KPNA3: variants seen among roughly 807,000 people sequenced by gnomAD.
KPNA3 encodes the protein importin subunit alpha-4.
In KPNA3, 13 loss-of-function variants were observed where a neutral mutation model predicts 73.8. The ratio of observed to expected loss-of-function variants is 0.18; its 90% confidence interval spans 0.11 to 0.28. The LOEUF (loss-of-function observed/expected upper bound fraction) is 0.28, where lower values mean the gene tolerates loss of function less well. Among genes scored for constraint, KPNA3 ranks in the 10% least tolerant of loss-of-function variants. KPNA3 has a pLI of 1.00. For synonymous variants in KPNA3, 186 were observed against 206.9 expected (o/e 0.90, Z 0.87); for missense variants, 360 against 618.1 (o/e 0.58, Z 4.43).
At chr13:49,769,165 C>T (rs1954833751) in intron 1 of KPNA3, among the ~76,000 whole-genome samples, 1 of 152,128 alleles carries the variant, frequency 6.6e-6, no homozygotes, top group Admixed American at 6.6e-5. Context: ...AGTATTGCAC[C>T]ATTACTAGAA....
intron 10 of KPNA3, among the ~76,000 whole-genome samples, chr13:49,716,532 C>T (rs533248068): frequency 1.3e-5 from 2 of 152,006 alleles, no homozygotes; most frequent in Non-Finnish European, 2.9e-5. Flanking sequence ...TCCACCTCCC[C>T]GACTCAAGCG....
intron 2 of KPNA3, among the ~76,000 whole-genome samples, chr13:49,742,357 A>T (rs1954581552): frequency 7.0e-6 from 1 of 141,982 alleles, no homozygotes. Flanking sequence ...AAATACTTGT[A>T]GTAGGACCAA....
chr13:49,774,702 G>A (rs1212771897), intron 1 of KPNA3, among the ~76,000 whole-genome samples: 3 of 152,186 alleles, frequency 2.0e-5, no homozygotes, highest in Non-Finnish European at 1.5e-5. Context: ...AGCATATCAT[G>A]TCCTCACATA....
intron 6 of KPNA3, among the ~76,000 whole-genome samples, chr13:49,731,249 GTT>G (rs143641829): frequency 2.9e-5 from 3 of 102,214 alleles, no homozygotes; most frequent in Admixed American, 1.2e-4. Flanking sequence ...TAATTTTCGT[GTT>G]TTTTTTTTTT....
chr13:49,747,029 A>G, intron 1 of KPNA3, 36 bp from the exon 2 acceptor site: 2 of 1,472,990 alleles, frequency 1.4e-6, no homozygotes, highest in Non-Finnish European at 1.9e-6. Context: ...GATGTATCAA[A>G]ATACGGACAC....
chr13:49,729,258 AAAAAACAGTAAGATC>A (rs1172032887), intron 6 of KPNA3, among the ~76,000 whole-genome samples: 13 of 152,344 alleles, frequency 8.5e-5, no homozygotes, highest in African/African-American at 2.9e-4. Context: ...GAAGAAGTAA[AAAAAACAGTAAGATC>A]AAAAACAGTA....
At chr13:49,725,285 C>T (rs967557235) in intron 7 of KPNA3, 131 bp downstream of exon 7, 12 of 454,266 alleles carry the variant, frequency 2.6e-5, no homozygotes, top group African/African-American at 6.1e-5. Context: ...AAAAAGATAT[C>T]GGTCATCAAA....
chr13:49,752,527 T>C (rs533876659), intron 1 of KPNA3, among the ~76,000 whole-genome samples: 4 of 151,952 alleles, frequency 2.6e-5, no homozygotes, highest in East Asian at 2.0e-4. Flanking sequence ...TAGAAAATGA[T>C]AGAAAATGTG....
At chr13:49,767,663 C>T (rs1039658060) in intron 1 of KPNA3, among the ~76,000 whole-genome samples, 6 of 152,070 alleles carry the variant, frequency 3.9e-5, no homozygotes, top group African/African-American at 1.4e-4. Context: ...AATGGAAAGA[C>T]CATAAGAGTG....
At chr13:49,783,110 T>C (rs953825507) in intron 1 of KPNA3, among the ~76,000 whole-genome samples, 1 of 152,092 alleles carries the variant, frequency 6.6e-6, no homozygotes, top group Non-Finnish European at 1.5e-5. Context: ...GCATCACTTA[T>C]GTAAAAGCAA....
intron 2 of KPNA3, among the ~76,000 whole-genome samples, chr13:49,745,596 G>T (rs1954609958): frequency 6.6e-6 from 1 of 151,850 alleles, no homozygotes; most frequent in Non-Finnish European, 1.5e-5. Context: ...GACCTCAGGT[G>T]ATCTGTCCAC....
At chr13:49,743,679 G>C (rs1380801442) in intron 2 of KPNA3, among the ~76,000 whole-genome samples, 1 of 151,484 alleles carries the variant, frequency 6.6e-6, no homozygotes, top group Non-Finnish European at 1.5e-5. Flanking sequence ...AATTAGAGAA[G>C]GCAGCACAAC....
intron 5 of KPNA3, 36 bp from the exon 6 acceptor site, chr13:49,732,502 T>C: frequency 6.7e-7 from 1 of 1,491,662 alleles, no homozygotes; most frequent in Non-Finnish European, 9.2e-7. Context: ...ATTGCTATAA[T>C]TTTCAAACTG....
chr13:49,778,779 T>C (rs576566642), intron 1 of KPNA3, among the ~76,000 whole-genome samples: 1 of 152,272 alleles, frequency 6.6e-6, no homozygotes, highest in African/African-American at 2.4e-5. Flanking sequence ...GCCTACTTTT[T>C]AAATTTTGTG....
At chr13:49,785,449 G>T (rs1954974428) in intron 1 of KPNA3, among the ~76,000 whole-genome samples, 1 of 152,086 alleles carries the variant, frequency 6.6e-6, no homozygotes, top group Non-Finnish European at 1.5e-5. Flanking sequence ...ACAGAAAAAA[G>T]AAAAAACAAA....
chr13:49,737,395 A>G (rs188511690), intron 2 of KPNA3, among the ~76,000 whole-genome samples: 1 of 152,306 alleles, frequency 6.6e-6, no homozygotes, highest in East Asian at 1.9e-4. Context: ...CTGTTCTGAT[A>G]GATGTGTAGT....
chr13:49,706,013 A>C lies in KPNA3; in HGVS notation c.1209+85T>G, dbSNP rs1954204259. ...ATTATCTTTTCCCCAAAAAGAACAC[A>C]ATACAGTCAGCAACTACGAAACATA... On this transcript the variant is annotated intron_variant, in intron 14 of 16. Coordinates refer to ENST00000261667, the MANE Select transcript of KPNA3 (RefSeq NM_002267.4). 14 of 1,258,142 alleles carry C rather than the reference A, an allele frequency of 1.1e-5. No individual in the cohort carries two copies. In the East Asian group the frequency reaches 3.2e-4, roughly 29 times the overall value. 77.9% of individuals were successfully genotyped at this position (1,258,142 alleles called of 1,614,324 possible).
At chr13:49,756,929 G>A (rs901738093) in intron 1 of KPNA3, among the ~76,000 whole-genome samples, 1 of 152,076 alleles carries the variant, frequency 6.6e-6, no homozygotes, top group African/African-American at 2.4e-5. Context: ...TTTTACAAAG[G>A]TGCAAAAGCA....
Position 49,768,557 on chromosome 13 carries a change from G to T in KPNA3, c.70-21564C>A, listed in dbSNP as rs903164500. 1.7e-4 allele frequency among the ~76,000 whole-genome samples: 21 copies of T among 123,664 alleles called. No individual in the cohort carries two copies. The East Asian group carries it at 5.2e-3, about 31-fold the overall frequency. 81.1% of individuals were successfully genotyped at this position (123,664 alleles called of 152,430 possible). Reference sequence around the variant, plus strand: ...TCTTCCTGCCGGCCTGTCTTCATTTGGGTTAATCAATTTTTTTTTTTTTTT... The same window carrying T: ...TCTTCCTGCCGGCCTGTCTTCATTTTGGTTAATCAATTTTTTTTTTTTTTT... On this transcript the variant is annotated intron_variant, in intron 1 of 16. Coordinates refer to ENST00000261667, the MANE Select transcript of KPNA3 (RefSeq NM_002267.4).
Sources: allele counts gnomAD v4.1 joint callset (sites outside exome capture counted in the v4.1 genomes callset), GRCh38; gene constraint gnomAD v4.1.1; transcripts MANE v1.5; gene names NCBI Gene and HGNC (gene_info 2026-07-23, HGNC 2026-07-21).